The following DCLK1 variants were observed in gnomAD, a reference collection of about 807,000 sequenced individuals.
DCLK1 encodes the protein doublecortin like kinase 1.
In DCLK1, 16 loss-of-function variants were observed where a neutral mutation model predicts 86.2. The observed-to-expected ratio is 0.19, with a 90% confidence interval of 0.13 to 0.28. The LOEUF is 0.28. Among genes scored for constraint, DCLK1 ranks in the 10% least tolerant of loss-of-function variants. The pLI is 1.00. For synonymous variants in DCLK1, 369 were observed against 370.5 expected (o/e 1.00, Z 0.05); for missense variants, 590 against 940.2 (o/e 0.63, Z 4.87).
At chr13:35,813,716 A>G in intron 11 of DCLK1, among the ~76,000 whole-genome samples, 1 of 148,884 alleles carries the variant, frequency 6.7e-6, no homozygotes, top group Non-Finnish European at 1.5e-5. Flanking sequence ...TCACTTGCAC[A>G]GTGCCCCGCC....
intron 3 of DCLK1, among the ~76,000 whole-genome samples, chr13:35,982,840 C>A (rs1378423006): frequency 6.6e-6 from 1 of 152,070 alleles, no homozygotes; most frequent in Admixed American, 6.6e-5. Context: ...TGGTTTATTG[C>A]AACCTCTACC....
intron 3 of DCLK1, among the ~76,000 whole-genome samples, chr13:36,084,217 G>A (rs1229144641): frequency 6.6e-6 from 1 of 152,076 alleles, no homozygotes; most frequent in Non-Finnish European, 1.5e-5. Flanking sequence ...AAAAGGTAAG[G>A]AAAAACACTA....
At chr13:36,105,931 G>A (rs181533237) in intron 3 of DCLK1, among the ~76,000 whole-genome samples, 118 of 152,262 alleles carry the variant, frequency 7.7e-4, no homozygotes, top group Admixed American at 5.6e-3. Context: ...GGCTCCAGCT[G>A]TCATAGAAGC....
chr13:35,959,865 G>A (rs200535356), intron 3 of DCLK1, among the ~76,000 whole-genome samples: 28,471 of 137,584 alleles, frequency 0.21, 2,955 homozygotes, highest in East Asian at 0.5. Flanking sequence ...GTGTGTGTGT[G>A]TGTGTGTGTG....
intron 3 of DCLK1, among the ~76,000 whole-genome samples, chr13:35,982,738 G>A (rs1879721408): frequency 6.6e-6 from 1 of 152,080 alleles, no homozygotes; most frequent in Admixed American, 6.5e-5. Flanking sequence ...AAGGTTCAAA[G>A]TCCATTGATT....
At chr13:36,024,183 C>T (rs913092351) in intron 3 of DCLK1, among the ~76,000 whole-genome samples, 1 of 151,704 alleles carries the variant, frequency 6.6e-6, no homozygotes, top group Non-Finnish European at 1.5e-5. Context: ...CATGAGCCAC[C>T]GTGCCTGGCC....
At chr13:35,837,551 C>G (rs957904365) in intron 7 of DCLK1, among the ~76,000 whole-genome samples, 4 of 152,030 alleles carry the variant, frequency 2.6e-5, no homozygotes, top group African/African-American at 9.7e-5. Flanking sequence ...AAAACAGCTC[C>G]CAGATGACAC....
chr13:35,945,055 C>G (rs374773005), intron 4 of DCLK1, among the ~76,000 whole-genome samples: 1 of 152,220 alleles, frequency 6.6e-6, no homozygotes, highest in Non-Finnish European at 1.5e-5. Flanking sequence ...CATGCACCAC[C>G]ATGCCTGGCT....
intron 3 of DCLK1, among the ~76,000 whole-genome samples, chr13:36,042,918 A>G (rs1416463221): frequency 6.6e-6 from 1 of 152,198 alleles, no homozygotes; most frequent in African/African-American, 2.4e-5. Flanking sequence ...CTAATACCCA[A>G]TTATTGAGAA....
chr13:35,876,895 G>A (rs1295608356), intron 4 of DCLK1, among the ~76,000 whole-genome samples: 3 of 152,148 alleles, frequency 2.0e-5, no homozygotes, highest in African/African-American at 4.8e-5. Context: ...AGATGACACC[G>A]AAGGACTGTA....
intron 3 of DCLK1, among the ~76,000 whole-genome samples, chr13:36,029,778 A>G (rs1167282971): frequency 6.6e-6 from 1 of 152,220 alleles, no homozygotes. Flanking sequence ...AATTTTCATT[A>G]CAAATAACAT....
chr13:35,797,236 C>T (rs1031667485), intron 15 of DCLK1, among the ~76,000 whole-genome samples: 1 of 152,214 alleles, frequency 6.6e-6, no homozygotes, highest in African/African-American at 2.4e-5. Context: ...CCCTAATTAA[C>T]TTACTGAGAA....
intron 6 of DCLK1, chr13:35,848,687 A>G: frequency 1.0e-6 from 1 of 985,374 alleles, no homozygotes; most frequent in Non-Finnish European, 1.2e-6. Flanking sequence ...CATAAGATTG[A>G]CAGTGCAGGG....
At position 35,850,435 on chromosome 13, in the gene DCLK1, G is replaced by A. The variant is rs186571746; in HGVS notation, c.1035+4064C>T. The A allele has an allele frequency of 2.2e-3, 2,414 of 1,087,484 alleles. 3 individuals carry two copies. The highest frequency in any genetic ancestry group is 2.5e-3 in the Non-Finnish European group (2,233 of 896,558). The allele number at this position is 1,087,484 out of a possible 1,614,324, so 67.4% of individuals were successfully genotyped here. Reference sequence around the variant, plus strand: ...TGTTCTTGTACTCAATATTGGGTCCGTGTATGAAATTCATCTAGAGCCAGG... The same window carrying A: ...TGTTCTTGTACTCAATATTGGGTCCATGTATGAAATTCATCTAGAGCCAGG... On this transcript the variant is annotated intron_variant, in intron 6 of 16. Coordinates refer to ENST00000360631, the MANE Select transcript of DCLK1 (RefSeq NM_001330071.2).
In DCLK1 at chr13:35,832,535, C is replaced by T. The variant is rs867215880; in HGVS notation, c.1229+3498G>A. On this transcript the variant is annotated intron_variant, in intron 8 of 16. Coordinates refer to ENST00000360631, the MANE Select transcript of DCLK1 (RefSeq NM_001330071.2). ...CTGTGTCTTGTCTCTCTCTGTAACC[C>T]CAGAAGTGCCCAGCATAAGCCTGAA... Among the ~76,000 whole-genome samples, 4 of 152,038 alleles carry T rather than the reference C, an allele frequency of 2.6e-5. No homozygotes were observed. The South Asian group carries it at 6.2e-4, about 24-fold the overall frequency.
At chr13:35,956,505 C>T (rs951821729) in intron 3 of DCLK1, among the ~76,000 whole-genome samples, 2 of 151,902 alleles carry the variant, frequency 1.3e-5, no homozygotes, top group Non-Finnish European at 2.9e-5. Flanking sequence ...TTTGGAGATC[C>T]TTAAGGGGTA....
At position 35,805,794 on chromosome 13, in the gene DCLK1, G is replaced by C; in HGVS notation, c.1864-15C>G. ...GTAATGAGCTCCTGTGAAGGGGAAC[G>C]TTAGAGTCCATTTATCTGAATTTAA... On this transcript the variant is annotated splice_polypyrimidine_tract_variant and intron_variant, in intron 14 of 16. Coordinates refer to ENST00000360631, the MANE Select transcript of DCLK1 (RefSeq NM_001330071.2). The C allele has an allele frequency of 6.2e-7, 1 of 1,608,894 alleles. No homozygotes were observed. The highest frequency in any genetic ancestry group is 1.1e-5 in the South Asian group (1 of 90,386).
chr13:35,896,278 C>A (rs1033441060), intron 4 of DCLK1, among the ~76,000 whole-genome samples: 1 of 152,078 alleles, frequency 6.6e-6, no homozygotes, highest in African/African-American at 2.4e-5. Context: ...GTGGCTCACA[C>A]TTGTAATCCT....
chr13:36,007,502 G>C (rs1189795548), intron 3 of DCLK1, among the ~76,000 whole-genome samples: 1 of 152,158 alleles, frequency 6.6e-6, no homozygotes, highest in Non-Finnish European at 1.5e-5. Context: ...AAATATCTTG[G>C]GGTTGTGAGT....
Sources: gnomAD v4.1 joint callset for allele counts (sites outside exome capture counted in the v4.1 genomes callset) on GRCh38, gnomAD v4.1.1 for gene constraint, MANE v1.5 for transcripts, NCBI Gene and HGNC (gene_info 2026-07-23, HGNC 2026-07-21) for gene names.